ANTXR2: variants seen among roughly 807,000 people sequenced by gnomAD.
ANTXR2 encodes the protein anthrax toxin receptor 2.
ANTXR2 carries 44 observed loss-of-function variants against 73.7 expected under a neutral mutation model. The ratio of observed to expected loss-of-function variants is 0.60; its 90% CI spans 0.47 to 0.77. ANTXR2 has a LOEUF of 0.77. Ranked by LOEUF, ANTXR2 falls within the 30% of genes least tolerant of loss-of-function variation. The pLI is 0.00. For synonymous variants in ANTXR2, 217 were observed against 205.9 expected, an observed-to-expected ratio of 1.05 and a Z score of -0.46; for missense variants, 604 against 592.5, an observed-to-expected ratio of 1.02 and a Z score of -0.20.
At chr4:80,017,158 C>T (rs187049508) in intron 11 of ANTXR2, among the ~76,000 whole-genome samples, 135 of 152,326 alleles carry the variant, frequency 8.9e-4, no homozygotes, top group Middle Eastern at 3.4e-3. Flanking sequence ...CCTGCTCCTG[C>T]CACTCTCTCT....
chr4:80,018,832 G>A, intron 11 of ANTXR2, 66 bp downstream of exon 11: 2 of 1,224,346 alleles, frequency 1.6e-6, no homozygotes, highest in Non-Finnish European at 2.3e-6. Flanking sequence ...CAACACCAAA[G>A]ATCCATAGAT....
Position 79,915,862 on chromosome 4 carries a change from C to CTCTATATATA in ANTXR2, c.1429-8396_1429-8395insTATATATAGA, listed in dbSNP as rs377006532. Among the ~76,000 whole-genome samples the CTCTATATATA allele has an allele frequency of 1.4e-3, 169 of 123,872 alleles. 1 individual carries two copies. Among genetic ancestry groups the CTCTATATATA allele is most frequent in the African/African-American group, 3.0e-3 (100 of 32,912 alleles). 81.3% of individuals were successfully genotyped at this position (123,872 alleles called of 152,430 possible). A position where few individuals can be genotyped will look rare whatever the true frequency, so the allele number is the denominator to read the frequency against. On this transcript the variant is annotated intron_variant, in intron 16 of 16. Transcript: ENST00000403729. ...TCTCTCTCTCTCTCTCTCTCTCTCT[C>CTCTATATATA]TATATATATATATATACATAAAGAA... is the stretch of plus-strand genomic sequence containing the variant.
At chr4:79,911,451 A>G (rs1727133490) in intron 16 of ANTXR2, among the ~76,000 whole-genome samples, 1 of 151,940 alleles carries the variant, frequency 6.6e-6, no homozygotes, top group Non-Finnish European at 1.5e-5. Context: ...TGTAACCTAA[A>G]TATATAGAAG....
At chr4:80,030,511 T>C (rs553712725) in intron 10 of ANTXR2, among the ~76,000 whole-genome samples, 55 of 152,218 alleles carry the variant, frequency 3.6e-4, no homozygotes, top group African/African-American at 1.3e-3. Flanking sequence ...CACAGGCATG[T>C]TGTCAATAAC....
At chr4:79,984,084 C>T in intron 13 of ANTXR2, 114 bp from the exon 14 acceptor site, 1 of 751,416 alleles carries the variant, frequency 1.3e-6, no homozygotes, top group Non-Finnish European at 2.1e-6. Context: ...ATGGAAAAAA[C>T]TATGTATAGA....
At chr4:79,986,775 C>A (rs749597822) in intron 12 of ANTXR2, among the ~76,000 whole-genome samples, 1 of 152,130 alleles carries the variant, frequency 6.6e-6, no homozygotes, top group South Asian at 2.1e-4. Context: ...TCTGGGAACA[C>A]CCCAGTCCTT....
intron 16 of ANTXR2, among the ~76,000 whole-genome samples, chr4:79,913,824 G>A (rs1189190600): frequency 6.6e-6 from 1 of 152,242 alleles, no homozygotes; most frequent in Non-Finnish European, 1.5e-5. Flanking sequence ...AAGGGAACAA[G>A]CAGGCACAAC....
At chr4:80,069,649 T>C (rs1734690004) in intron 2 of ANTXR2, 142 bp from the exon 3 acceptor site, 3 of 645,034 alleles carry the variant, frequency 4.7e-6, no homozygotes, top group South Asian at 2.1e-5. Context: ...CCTAAGTAAA[T>C]AGACGAACTC....
In ANTXR2 at chr4:79,901,249, A is replaced by G. The variant is rs1726690461; in HGVS notation, c.*6180T>C. ...AGTAAAAATTCTATTTACAGGTGTC[A>G]TCTGCTAGAACTAGTCAATCTTGTT... On this transcript the variant is annotated 3_prime_UTR_variant, in exon 17 of 17. Coordinates refer to ENST00000403729, the MANE Select transcript of ANTXR2 (RefSeq NM_058172.6). 2 of 152,184 alleles carry G rather than the reference A, an allele frequency of 1.3e-5. No homozygotes were observed. Among genetic ancestry groups the G allele is most frequent in the Admixed American group, 6.6e-5 (1 of 15,262 alleles). 9.4% of individuals were successfully genotyped at this position (152,184 alleles called of 1,614,324 possible).
chr4:80,025,552 T>C (rs1732389515), intron 10 of ANTXR2, among the ~76,000 whole-genome samples: 1 of 152,200 alleles, frequency 6.6e-6, no homozygotes, highest in Non-Finnish European at 1.5e-5. Flanking sequence ...AAAATTAAAC[T>C]GGCAGCTACT....
chr4:80,042,523 C>A (rs981687735), intron 7 of ANTXR2, among the ~76,000 whole-genome samples: 1 of 151,914 alleles, frequency 6.6e-6, no homozygotes, highest in African/African-American at 2.4e-5. Context: ...ACCTAGGTTG[C>A]TAGACACACA....
chr4:79,920,264 G>A (rs193186783), intron 16 of ANTXR2, among the ~76,000 whole-genome samples: 4 of 152,050 alleles, frequency 2.6e-5, no homozygotes, highest in East Asian at 1.9e-4. Context: ...CAAACGATGT[G>A]TCTGGGACAT....
chr4:79,927,067 A>ATG (rs1292942999), intron 16 of ANTXR2, among the ~76,000 whole-genome samples: 2 of 150,118 alleles, frequency 1.3e-5, no homozygotes, highest in African/African-American at 2.4e-5. Context: ...GTGTGTATAT[A>ATG]TATATATATA....
intron 16 of ANTXR2, among the ~76,000 whole-genome samples, chr4:79,911,456 TAGA>T (rs1488880869): frequency 2.0e-5 from 3 of 151,992 alleles, no homozygotes; most frequent in East Asian, 3.9e-4. Flanking sequence ...CCTAAATATA[TAGA>T]AGAATACATA....
chr4:79,961,285 G>T (rs1459127132), intron 16 of ANTXR2, among the ~76,000 whole-genome samples: 1 of 151,686 alleles, frequency 6.6e-6, no homozygotes, highest in Admixed American at 6.6e-5. Flanking sequence ...CCAAAAAATG[G>T]AAAATAAAGC....
chr4:80,064,240 G>T (rs1254824252), intron 3 of ANTXR2, among the ~76,000 whole-genome samples: 1 of 152,116 alleles, frequency 6.6e-6, no homozygotes, highest in African/African-American at 2.4e-5. Flanking sequence ...ACATTTTCAG[G>T]CTGGGGGCAA....
At chr4:80,042,825 A>G (rs1364839661) in intron 7 of ANTXR2, among the ~76,000 whole-genome samples, 1 of 152,030 alleles carries the variant, frequency 6.6e-6, no homozygotes, top group Non-Finnish European at 1.5e-5. Context: ...CTATAAGGCC[A>G]ATTTCTCTGT....
At chr4:79,925,197 C>G (rs1202364550) in intron 16 of ANTXR2, among the ~76,000 whole-genome samples, 1 of 151,780 alleles carries the variant, frequency 6.6e-6, no homozygotes, top group African/African-American at 2.4e-5. Flanking sequence ...CTGACAACAT[C>G]AATGCACCTT....
chr4:79,985,998 C>T lies in ANTXR2; in HGVS notation c.1042-1135G>A, dbSNP rs1025784890. Among the ~76,000 whole-genome samples, 140 of 152,116 alleles carry T rather than the reference C, an allele frequency of 9.2e-4. 1 individual carries two copies. Among genetic ancestry groups the T allele is most frequent in the African/African-American group, 3.0e-3 (126 of 41,500 alleles). On this transcript the variant is annotated intron_variant, in intron 12 of 16. Transcript: ENST00000403729. Reference sequence around the variant, plus strand: ...CTGGGATTACAGGCGCCCGCCACCACGCCTGGCTAATTTTTTTGTATTTTT... The same window carrying T: ...CTGGGATTACAGGCGCCCGCCACCATGCCTGGCTAATTTTTTTGTATTTTT...
Sources: allele counts gnomAD v4.1 joint callset (sites outside exome capture counted in the v4.1 genomes callset), GRCh38; gene constraint gnomAD v4.1.1; transcripts MANE v1.5; gene names NCBI Gene and HGNC (gene_info 2026-07-23, HGNC 2026-07-21).